The following CPNE3 variants were observed in gnomAD, a reference collection of about 807,000 sequenced individuals.
The protein encoded by CPNE3 is copine 3, also known as copine-3.
Under a neutral mutation model 63.9 loss-of-function variants are expected in CPNE3, and 68 were observed. The observed-to-expected ratio is 1.06, with a 90% CI of 0.87 to 1.30. The LOEUF is 1.30. Among genes scored for constraint, CPNE3 ranks in the 50% most tolerant of loss-of-function variants. The pLI is 0.00. For synonymous variants in CPNE3, 219 were observed against 197.5 expected (o/e 1.11, Z -0.91); for missense variants, 665 against 578.1 (o/e 1.15, Z -1.54).
Position 86,537,663 on chromosome 8 carries a change from G to A in CPNE3, c.543+17G>A. 5.7e-6 allele frequency: 8 copies of A among 1,395,190 alleles called. No homozygotes were observed. Among genetic ancestry groups the A allele is most frequent in the Non-Finnish European group, 8.2e-6 (8 of 980,078 alleles). The allele number at this position is 1,395,190 out of a possible 1,614,324, so 86.4% of individuals were successfully genotyped here. On this transcript the variant is annotated intron_variant, in intron 7 of 16. Coordinates refer to ENST00000517490, the MANE Select transcript of CPNE3 (RefSeq NM_003909.5). ...CGGACAGAGGTGAATATTTGAATTTGAAAAGCAGAGTGGAGGTGTTCTTTG... is the reference window on the plus strand; with the variant it reads ...CGGACAGAGGTGAATATTTGAATTTAAAAAGCAGAGTGGAGGTGTTCTTTG...
rs528644446 is a variant in CPNE3 at position 86,514,960 on chromosome 8, C to T, written c.-49+419C>T. 4.6e-5 allele frequency among the ~76,000 whole-genome samples: 7 copies of T among 152,274 alleles called. No homozygotes were observed. The East Asian group carries it at 1.4e-3, about 29-fold the overall frequency. On this transcript the variant is annotated intron_variant, in intron 1 of 16. Transcript: ENST00000517490. ...GTCCCGAAATCGCTGCAGCACCACG[C>T]GGGGAGAGGGATAGGGTACCCACAC... is the stretch of plus-strand genomic sequence containing the variant.
intron 6 of CPNE3, among the ~76,000 whole-genome samples, chr8:86,534,719 T>A (rs1820766481): frequency 6.6e-6 from 1 of 152,200 alleles, no homozygotes; most frequent in South Asian, 2.1e-4. Flanking sequence ...CTTTTGTTTC[T>A]TAGCAAGAAT....
At chr8:86,548,197 C>T (rs895488715) in intron 11 of CPNE3, 104 bp from the exon 12 acceptor site, 17 of 1,193,328 alleles carry the variant, frequency 1.4e-5, no homozygotes, top group South Asian at 6.0e-5. Context: ...AGGAAGTAGG[C>T]GCCAGGATGC....
rs749365040 is a variant in CPNE3 at position 86,551,219 on chromosome 8, A to G, written c.1105A>G (p.Asn369Asp). The change falls in exon 14 of 17, where the codon AAT becomes GAT. Residue 369 changes from asparagine (N) to aspartate (D), a missense_variant. Asn to Asp is a conservative substitution (Grantham distance 23). Transcript: ENST00000517490. ...HEFPMNFNPS[N>D]PYCNGIQGIV... ...ATTTCCAATGAACTTCAACCCATCC[A>G]ATCCCTACTGCAATGGTAAGTTAAA... 1.3e-5 allele frequency: 21 copies of G among 1,600,798 alleles called. No homozygotes were observed. In the East Asian group the frequency reaches 4.7e-4, roughly 36 times the overall value.
In CPNE3 at chr8:86,527,946, A is replaced by ATTTTTTTTTTTTTTTTTTTTTTTTTTTTT. The variant is rs869225401; in HGVS notation, c.-10-565_-10-564insTTTTTTTTTTTTTTTTTTTTTTTTTTTTT. 2.9e-4 allele frequency among the ~76,000 whole-genome samples: 25 copies of ATTTTTTTTTTTTTTTTTTTTTTTTTTTTT among 85,968 alleles called. 2 individuals are homozygous for ATTTTTTTTTTTTTTTTTTTTTTTTTTTTT. The highest frequency in any genetic ancestry group is 1.3e-3 in the African/African-American group (23 of 17,652). The allele number at this position is 85,968 out of a possible 152,430, so 56.4% of individuals were successfully genotyped here. ...AAATTTATAGTTAAGGTAAAAAGAA[A>ATTTTTTTTTTTTTTTTTTTTTTTTTTTTT]TTTTTTTTTTTTTTTTTTTTTTTTT... On this transcript the variant is annotated intron_variant, in intron 2 of 16. Transcript: ENST00000517490.
intron 14 of CPNE3, among the ~76,000 whole-genome samples, chr8:86,553,460 A>T (rs891584827): frequency 6.6e-6 from 1 of 152,172 alleles, no homozygotes; most frequent in Non-Finnish European, 1.5e-5. Context: ...TTAATATTTT[A>T]TTTTTACTGT....
chr8:86,517,860 T>C (rs1452239094), intron 2 of CPNE3, among the ~76,000 whole-genome samples: 1 of 152,226 alleles, frequency 6.6e-6, no homozygotes, highest in Non-Finnish European at 1.5e-5. Context: ...ATCTATAATA[T>C]TTGTTCAATA....
intron 10 of CPNE3, among the ~76,000 whole-genome samples, chr8:86,547,092 T>G (rs1036829771): frequency 6.6e-6 from 1 of 152,238 alleles, no homozygotes; most frequent in African/African-American, 2.4e-5. Context: ...TACTTGAATT[T>G]CAGGCAGTTG....
At chr8:86,550,990 TA>T (rs1821160695) in intron 12 of CPNE3, 55 bp from the exon 13 acceptor site, 2 of 1,485,804 alleles carry the variant, frequency 1.3e-6, no homozygotes, top group Admixed American at 4.6e-5. Flanking sequence ...TGGGCAAAGA[TA>T]AAGCTTTTTA....
Position 86,540,276 on chromosome 8 carries a change from G to A in CPNE3, c.575G>A (p.Arg192Lys), listed in dbSNP as rs753888094. The A allele has an allele frequency of 1.2e-6, 2 of 1,609,710 alleles. No individual in the cohort carries two copies. The highest frequency in any genetic ancestry group is 2.2e-5 in the South Asian group (2 of 90,650). Residue 192 changes from arginine (R) to lysine (K), a missense_variant, in exon 8 of 17, where the codon AGG becomes AAG. Transcript: ENST00000517490. The stretch of plus-strand genomic sequence containing the variant: ...AAAAACAACTTGAATCCTGTTTGGA[G>A]GCCTTTCAAGATCTCTCTTAACTCA... The part of the protein sequence containing the change: ...VVKNNLNPVW[R>K]PFKISLNSLC...
intron 15 of CPNE3, 39 bp from the exon 16 acceptor site, chr8:86,556,063 C>G (rs751661603): frequency 1.2e-6 from 1 of 860,244 alleles, no homozygotes; most frequent in South Asian, 1.3e-5. Context: ...TTAGCCATTG[C>G]TTGACTTGCT....
chr8:86,555,379 G>A (rs1054636968), intron 15 of CPNE3, among the ~76,000 whole-genome samples: 1 of 152,138 alleles, frequency 6.6e-6, no homozygotes, highest in Non-Finnish European at 1.5e-5. Context: ...CTATTGGACC[G>A]TGGATACCAA....
intron 2 of CPNE3, among the ~76,000 whole-genome samples, chr8:86,518,461 T>G (rs755757511): frequency 2.6e-5 from 4 of 152,234 alleles, no homozygotes; most frequent in Non-Finnish European, 5.9e-5. Context: ...ACTTTTCAAC[T>G]GAACACTTGG....
At chr8:86,557,727 G>A (rs1204973165) in intron 16 of CPNE3, among the ~76,000 whole-genome samples, 1 of 151,740 alleles carries the variant, frequency 6.6e-6, no homozygotes, top group Non-Finnish European at 1.5e-5. Context: ...AAATTGCATC[G>A]AATTATACAG....
Position 86,541,845 on chromosome 8 carries a change from T to C in CPNE3, c.633+1511T>C, listed in dbSNP as rs1165693734. On this transcript the variant is annotated intron_variant, in intron 8 of 16. Transcript: ENST00000517490. ...AGTGAAAATCCAGGTCCGAAATAAA[T>C]AGTTGAAAATTAGCTATAAAAATTA... Among the ~76,000 whole-genome samples, 7 of 152,124 alleles carry C rather than the reference T, an allele frequency of 4.6e-5. No individual in the cohort carries two copies. The South Asian group carries it at 1.5e-3, about 32-fold the overall frequency.
rs759139211 is a variant in CPNE3 at position 86,554,952 on chromosome 8, G to A, written c.1222G>A (p.Ala408Thr). The A allele has an allele frequency of 2.5e-6, 4 of 1,614,104 alleles. No individual in the cohort carries two copies. The highest frequency in any genetic ancestry group is 2.2e-5 in the East Asian group (1 of 44,872). Residue 408 changes from alanine to threonine, a missense_variant, in exon 15 of 17, where the codon GCT becomes ACT. Physicochemically the swap from Ala to Thr is moderately conservative, Grantham distance 58. Transcript: ENST00000517490. Reference sequence around the variant, plus strand: ...AATCATAAATCACGTGGCCAGGTTTGCTGCTGCAGCCACGCAACAGCAGAC... The same window carrying A: ...AATCATAAATCACGTGGCCAGGTTTACTGCTGCAGCCACGCAACAGCAGAC... ...SPIINHVARFAAAATQQQTAS... is the reference protein window; with the variant it reads ...SPIINHVARFTAAATQQQTAS...
chr8:86,551,143 G>T, intron 13 of CPNE3, 40 bp from the exon 14 acceptor site: 1 of 1,612,528 alleles, frequency 6.2e-7, no homozygotes. Context: ...TCCTAGAAAA[G>T]CAGCCCAGCC....
chr8:86,519,237 C>T (rs1280111263), intron 2 of CPNE3, among the ~76,000 whole-genome samples: 1 of 151,968 alleles, frequency 6.6e-6, no homozygotes, highest in East Asian at 1.9e-4. Context: ...ACTTTGTAGC[C>T]AGTTATGAAT....
In CPNE3 at chr8:86,528,634, T is replaced by C; in HGVS notation, c.89T>C (p.Leu30Ser). The change falls in exon 3 of 17, where the codon TTA (leucine) becomes TCA (serine). Residue 30 changes from leucine (L) to serine (S), a missense_variant. Physicochemically the swap from Leu to Ser is moderately radical, Grantham distance 145. Coordinates refer to ENST00000517490, the MANE Select transcript of CPNE3 (RefSeq NM_003909.5). ...DKDIGSKSDPLCVLFLNTSGQ... is the reference protein window; with the variant it reads ...DKDIGSKSDPSCVLFLNTSGQ... ...GATATAGGGTCAAAGTCAGACCCTT[T>C]ATGTGTGTTGTTTTTGAATACAAGT... The C allele has an allele frequency of 1.2e-6, 2 of 1,613,986 alleles. No homozygotes were observed. Among genetic ancestry groups the C allele is most frequent in the Non-Finnish European group, 1.7e-6 (2 of 1,179,968 alleles).
Sources: gnomAD v4.1 joint callset for allele counts (sites outside exome capture counted in the v4.1 genomes callset) on GRCh38, gnomAD v4.1.1 for gene constraint, MANE v1.5 for transcripts, NCBI Gene and HGNC (gene_info 2026-07-23, HGNC 2026-07-21) for gene names.